The following PPHLN1 variants were observed in gnomAD, a reference collection of about 807,000 sequenced individuals.
The protein encoded by PPHLN1 is periphilin-1.
PPHLN1 carries 29 observed loss-of-function variants against 51.3 expected under a neutral mutation model. The observed-to-expected ratio is 0.57, with a 90% CI of 0.42 to 0.77. The LOEUF is 0.77. PPHLN1 is among the 30% of genes least tolerant of loss of function. The probability of loss-of-function intolerance (pLI) is 0.00; values close to 1 mark genes in which losing one functional copy is unlikely to be tolerated. For synonymous variants in PPHLN1, 147 were observed against 147.8 expected (o/e 0.99, Z 0.04); for missense variants, 436 against 438.4 (o/e 0.99, Z 0.05).
intron 9 of PPHLN1, among the ~76,000 whole-genome samples, chr12:42,424,315 C>G (rs1473960894): frequency 6.6e-6 from 1 of 152,166 alleles, no homozygotes; most frequent in Non-Finnish European, 1.5e-5. Flanking sequence ...TCTCATGTAA[C>G]AGGACAGAAA....
intron 5 of PPHLN1, among the ~76,000 whole-genome samples, chr12:42,384,498 G>T (rs556707800): frequency 6.6e-6 from 1 of 152,278 alleles, no homozygotes; most frequent in African/African-American, 2.4e-5. Flanking sequence ...TGGTAGGGGT[G>T]ATCCATCTTT....
chr12:42,389,297 TAGG>T (rs2139100697), intron 7 of PPHLN1, among the ~76,000 whole-genome samples: 1 of 151,694 alleles, frequency 6.6e-6, no homozygotes, highest in South Asian at 2.1e-4. Context: ...GGCTTGAACT[TAGG>T]AGGCGGAACT....
chr12:42,408,415 AC>A (rs2079511364), intron 9 of PPHLN1, among the ~76,000 whole-genome samples: 1 of 151,772 alleles, frequency 6.6e-6, no homozygotes, highest in Admixed American at 6.6e-5. Context: ...AATGGCAAAA[AC>A]CACAATTACT....
chr12:42,338,099 G>A (rs2070962082), intron 2 of PPHLN1, among the ~76,000 whole-genome samples: 1 of 151,834 alleles, frequency 6.6e-6, no homozygotes, highest in South Asian at 2.1e-4. Context: ...TCTAATTTTT[G>A]TATTTTTAGT....
intron 9 of PPHLN1, 40 bp downstream of exon 9, chr12:42,399,034 G>A (rs1317842973): frequency 6.8e-6 from 11 of 1,606,102 alleles, no homozygotes; most frequent in Non-Finnish European, 8.5e-6. Context: ...ATTTTTGTTT[G>A]TGTTGCTTTG....
chr12:42,360,377 G>GTTTCTTCA (rs761130914), intron 4 of PPHLN1, among the ~76,000 whole-genome samples: 102 of 142,996 alleles, frequency 7.1e-4, no homozygotes, highest in Non-Finnish European at 1.3e-3. Context: ...TTTGTCCAGC[G>GTTTCTTCA]TTTCTTCATT....
At chr12:42,390,073 C>A (rs933150834) in intron 7 of PPHLN1, among the ~76,000 whole-genome samples, 2 of 152,202 alleles carry the variant, frequency 1.3e-5, no homozygotes, top group Admixed American at 1.3e-4. Flanking sequence ...ACGGTTGTTA[C>A]ATCTGTTACC....
At chr12:42,442,702 C>T (rs746477375), downstream of PPHLN1, 11 of 1,614,092 alleles carry the variant, frequency 6.8e-6, no homozygotes, top group South Asian at 8.8e-5. Flanking sequence ...TGGATCACGA[C>T]GGAACCCCCG....
chr12:42,327,363 A>G (rs1018775324), intron 1 of PPHLN1, among the ~76,000 whole-genome samples: 1 of 152,152 alleles, frequency 6.6e-6, no homozygotes. Flanking sequence ...CCTGCCAGCC[A>G]TTTCAGTTGA....
intron 3 of PPHLN1, 132 bp from the exon 4 acceptor site, chr12:42,355,029 C>T: frequency 1.4e-6 from 1 of 729,042 alleles, no homozygotes; most frequent in Non-Finnish European, 2.4e-6. Context: ...GGATGACTTG[C>T]TGAATGTTTT....
chr12:42,432,963 A>C, intron 9 of PPHLN1: 1 of 1,460,584 alleles, frequency 6.8e-7, no homozygotes, highest in East Asian at 2.3e-5. Context: ...AAAATTCTGC[A>C]TGCTCCTACT....
At chr12:42,328,811 G>A (rs890297807) in intron 1 of PPHLN1, among the ~76,000 whole-genome samples, 1 of 152,130 alleles carries the variant, frequency 6.6e-6, no homozygotes, top group Admixed American at 6.5e-5. Context: ...CCAGGTTCAA[G>A]GGATTCTCCT....
chr12:42,366,267 G>C (rs1427340178), intron 4 of PPHLN1, among the ~76,000 whole-genome samples: 1 of 127,010 alleles, frequency 7.9e-6, no homozygotes, highest in Non-Finnish European at 1.6e-5. Flanking sequence ...TCACTCTGTC[G>C]CCCAGGCTGG....
At chr12:42,398,707 C>A in intron 8 of PPHLN1, 147 bp from the exon 9 acceptor site, 1 of 598,766 alleles carries the variant, frequency 1.7e-6, no homozygotes, top group Non-Finnish European at 2.7e-6. Context: ...GCTCATTATG[C>A]ATAGTGAAAT....
At chr12:42,367,188 A>G (rs532441367) in intron 4 of PPHLN1, among the ~76,000 whole-genome samples, 1 of 152,326 alleles carries the variant, frequency 6.6e-6, no homozygotes, top group African/African-American at 2.4e-5. Flanking sequence ...CGTAAATGAG[A>G]AAGGGTATCT....
At chr12:42,435,733 A>C (rs941572086) in intron 9 of PPHLN1, among the ~76,000 whole-genome samples, 1 of 152,172 alleles carries the variant, frequency 6.6e-6, no homozygotes, top group Non-Finnish European at 1.5e-5. Context: ...ATATTTCACA[A>C]TGCTCCTTTA....
chr12:42,437,652 A>G (rs77283616), intron 9 of PPHLN1, among the ~76,000 whole-genome samples: 1,849 of 152,284 alleles, frequency 0.012, 83 homozygotes, highest in Admixed American at 0.086. Context: ...TACACTTGTT[A>G]TGATTGATGA....
chr12:42,329,108 T>TTGTG (rs61536981), intron 1 of PPHLN1, among the ~76,000 whole-genome samples: 153 of 125,046 alleles, frequency 1.2e-3, no homozygotes, highest in Non-Finnish European at 2.3e-3. Context: ...TTTTTTTTTT[T>TTGTG]TGTGTGTGTG....
chr12:42,370,804 G>C (rs887462172), intron 4 of PPHLN1, among the ~76,000 whole-genome samples: 1 of 152,054 alleles, frequency 6.6e-6, no homozygotes, highest in Non-Finnish European at 1.5e-5. Flanking sequence ...TGGACTCTTG[G>C]ACTGACAGAT....
Sources: gnomAD v4.1 joint callset for allele counts (sites outside exome capture counted in the v4.1 genomes callset) on GRCh38, gnomAD v4.1.1 for gene constraint, MANE v1.5 for transcripts, NCBI Gene and HGNC (gene_info 2026-07-23, HGNC 2026-07-21) for gene names.